LRP1B: variants seen among roughly 807,000 people sequenced by gnomAD.
LRP1B encodes low-density lipoprotein receptor-related protein 1B.
In LRP1B, 217 loss-of-function variants were observed where a neutral mutation model predicts 556.6. The observed-to-expected ratio is 0.39, with a 90% CI of 0.35 to 0.44. The LOEUF (loss-of-function observed/expected upper bound fraction) is 0.44. Ranked by LOEUF, LRP1B falls within the 20% of genes least tolerant of loss-of-function variation. The probability of loss-of-function intolerance (pLI) is 1.00; values close to 1 mark genes in which losing one functional copy is unlikely to be tolerated. For missense variants in LRP1B, 5,053 were observed against 5,620.8 expected (o/e 0.90, Z 3.23); for synonymous variants, 2,047 against 1,865.8 (o/e 1.10, Z -2.50).
At chr2:140,452,816 A>G (rs1224072460) in intron 62 of LRP1B, among the ~76,000 whole-genome samples, 1 of 152,072 alleles carries the variant, frequency 6.6e-6, no homozygotes, top group Non-Finnish European at 1.5e-5. Flanking sequence ...GATTTACATC[A>G]TTTAAAAAAT....
At chr2:141,681,274 C>T (rs867000891) in intron 2 of LRP1B, among the ~76,000 whole-genome samples, 10 of 151,876 alleles carry the variant, frequency 6.6e-5, no homozygotes, top group Middle Eastern at 3.4e-3. Flanking sequence ...GCCTGGGTGA[C>T]GGAGCAAGAG....
intron 6 of LRP1B, among the ~76,000 whole-genome samples, chr2:141,189,622 C>T (rs1681411274): frequency 6.6e-6 from 1 of 151,610 alleles, no homozygotes; most frequent in Non-Finnish European, 1.5e-5. Context: ...TTAATTTGGC[C>T]TCAGCTTCTT....
intron 72 of LRP1B, among the ~76,000 whole-genome samples, chr2:140,362,907 T>G (rs1682583469): frequency 6.6e-6 from 1 of 151,644 alleles, no homozygotes; most frequent in Admixed American, 6.6e-5. Flanking sequence ...TCGTGTTCAC[T>G]TCTTTCATCA....
intron 2 of LRP1B, among the ~76,000 whole-genome samples, chr2:141,757,221 C>T (rs1694354953): frequency 6.6e-6 from 1 of 152,050 alleles, no homozygotes; most frequent in Admixed American, 6.6e-5. Context: ...TTTTTGAATA[C>T]TCTTCTTATC....
intron 35 of LRP1B, among the ~76,000 whole-genome samples, chr2:140,761,657 T>C (rs1220075662): frequency 6.6e-6 from 1 of 152,148 alleles, no homozygotes; most frequent in Non-Finnish European, 1.5e-5. Context: ...TGGTCTTTTA[T>C]TCAACAACCT....
intron 2 of LRP1B, among the ~76,000 whole-genome samples, chr2:141,602,570 CT>C (rs1346427577): frequency 6.6e-6 from 1 of 152,174 alleles, no homozygotes; most frequent in African/African-American, 2.4e-5. Flanking sequence ...TTCTTCATCT[CT>C]TTTAAAGCAG....
At chr2:140,598,904 T>C (rs2105190184) in intron 42 of LRP1B, 69 bp from the exon 43 acceptor site, 1 of 969,564 alleles carries the variant, frequency 1.0e-6, no homozygotes, top group East Asian at 2.6e-5. Flanking sequence ...AATAGAAACA[T>C]GGCAATACCA....
intron 1 of LRP1B, among the ~76,000 whole-genome samples, chr2:141,920,397 G>C (rs957158493): frequency 2.0e-4 from 30 of 151,724 alleles, no homozygotes; most frequent in African/African-American, 6.8e-4. Flanking sequence ...TTGGAATTTA[G>C]TTTCAGAACA....
At chr2:141,908,938 G>T (rs1252771462) in intron 1 of LRP1B, among the ~76,000 whole-genome samples, 1 of 152,008 alleles carries the variant, frequency 6.6e-6, no homozygotes, top group African/African-American at 2.4e-5. Flanking sequence ...AGATCAGGGA[G>T]GTTAAACAAA....
At chr2:141,819,813 C>G (rs1363650815) in intron 1 of LRP1B, among the ~76,000 whole-genome samples, 1 of 152,112 alleles carries the variant, frequency 6.6e-6, no homozygotes, top group African/African-American at 2.4e-5. Context: ...CTGATCTCAT[C>G]ACTGTACAAT....
intron 6 of LRP1B, among the ~76,000 whole-genome samples, chr2:141,190,606 C>A (rs1558922218): frequency 6.6e-6 from 1 of 151,948 alleles, no homozygotes; most frequent in South Asian, 2.1e-4. Flanking sequence ...CTATAAATAC[C>A]CAATTCCTCT....
At chr2:140,663,176 T>A (rs1219331938) in intron 41 of LRP1B, among the ~76,000 whole-genome samples, 1 of 152,176 alleles carries the variant, frequency 6.6e-6, no homozygotes, top group East Asian at 1.9e-4. Flanking sequence ...TATTTGACAT[T>A]CTGAAATTCA....
At chr2:140,444,490 G>A (rs2105304573) in intron 64 of LRP1B, 41 bp from the exon 65 acceptor site, 2 of 1,613,348 alleles carry the variant, frequency 1.2e-6, no homozygotes, top group Middle Eastern at 3.3e-4. Flanking sequence ...ATTTGTGTCT[G>A]AATTAAAATC....
intron 67 of LRP1B, among the ~76,000 whole-genome samples, chr2:140,380,707 T>A (rs1683433879): frequency 6.6e-6 from 1 of 152,162 alleles, no homozygotes; most frequent in Non-Finnish European, 1.5e-5. Context: ...TTTATCCTAT[T>A]TAAAAGTAAG....
At chr2:140,709,096 A>G (rs979096420) in intron 37 of LRP1B, among the ~76,000 whole-genome samples, 6 of 152,128 alleles carry the variant, frequency 3.9e-5, no homozygotes, top group African/African-American at 1.4e-4. Flanking sequence ...ACCTTTTGAA[A>G]CAGCAAGATC....
At position 141,062,207 on chromosome 2, in the gene LRP1B, G is replaced by A. The variant is rs1194368033; in HGVS notation, c.1080C>T (p.Asn360=). 3 of 1,611,624 alleles carry A rather than the reference G, an allele frequency of 1.9e-6. No individual in the cohort carries two copies. Among genetic ancestry groups the A allele is most frequent in the Non-Finnish European group, 2.5e-6 (3 of 1,178,518 alleles). The change falls in exon 8 of 91, where the codon AAC becomes AAT. Residue 360 remains asparagine, a synonymous_variant. Transcript: ENST00000389484. ...TCTTTGAATCAATTATCCTTGTTCG[G>A]TTCATCCCATCCATGTCACATCTCT... ...KVERCDMDGM[N]RTRIIDSKTE...
At chr2:140,692,554 ACT>A (rs1228687647) in intron 41 of LRP1B, among the ~76,000 whole-genome samples, 1 of 150,224 alleles carries the variant, frequency 6.7e-6, no homozygotes, top group East Asian at 1.9e-4. Context: ...GAAAAATCTC[ACT>A]GTTTCATTAT....
At position 141,284,532 on chromosome 2, in the gene LRP1B, T is replaced by A. The variant is rs967854333; in HGVS notation, c.344-29891A>T. Among the ~76,000 whole-genome samples the A allele has an allele frequency of 4.6e-5, 7 of 152,182 alleles. No individual in the cohort carries two copies. The East Asian group carries it at 1.3e-3, about 29-fold the overall frequency. ...GATAGCTCTATTTTTATTCCCAAAT[T>A]TTTGTTAGGAAAATTCCCACGCACA... On this transcript the variant is annotated intron_variant, in intron 3 of 90. Coordinates refer to ENST00000389484, the MANE Select transcript of LRP1B (RefSeq NM_018557.3).
chr2:141,024,807 G>A (rs917972601), intron 11 of LRP1B, among the ~76,000 whole-genome samples: 6 of 151,948 alleles, frequency 3.9e-5, no homozygotes, highest in Admixed American at 1.3e-4. Flanking sequence ...TTCGAAGTCC[G>A]CAGGAGCAAC....
Sources: allele counts gnomAD v4.1 joint callset (sites outside exome capture counted in the v4.1 genomes callset), GRCh38; gene constraint gnomAD v4.1.1; transcripts MANE v1.5; gene names NCBI Gene and HGNC (gene_info 2026-07-23, HGNC 2026-07-21).